Variants in ANKRD11 observed in about 807,000 individuals in gnomAD.
ANKRD11 encodes the protein ankyrin repeat domain-containing protein 11.
A neutral mutation model predicts 195.7 loss-of-function variants in ANKRD11; 17 were observed. That is an observed-to-expected ratio of 0.09 (90% CI 0.06 to 0.13). The LOEUF is 0.13. Ranked by LOEUF, ANKRD11 falls within the 10% of genes least tolerant of loss-of-function variation. ANKRD11 has a pLI of 1.00. For synonymous variants in ANKRD11, 1,953 were observed against 1,528.1 expected (o/e 1.28, Z -6.49); for missense variants, 3,735 against 3,566.1 (o/e 1.05, Z -1.21).
intron 2 of ANKRD11, among the ~76,000 whole-genome samples, chr16:89,352,018 C>T (rs923197381): frequency 6.6e-6 from 1 of 152,140 alleles, no homozygotes; most frequent in African/African-American, 2.4e-5. Flanking sequence ...TCAAGCAATT[C>T]TCACGCCTCC....
chr16:89,310,422 G>A (rs962015199), intron 3 of ANKRD11, among the ~76,000 whole-genome samples: 4 of 152,094 alleles, frequency 2.6e-5, no homozygotes, highest in African/African-American at 9.7e-5. Context: ...GGTTATTCTA[G>A]GTCTTTTCAA....
chr16:89,319,773 C>T (rs775672123), intron 2 of ANKRD11, among the ~76,000 whole-genome samples: 1 of 152,252 alleles, frequency 6.6e-6, no homozygotes, highest in Non-Finnish European at 1.5e-5. Context: ...CGCCTGCAGG[C>T]ACCAGGCGTG....
chr16:89,341,874 G>A (rs1442631658), intron 2 of ANKRD11, among the ~76,000 whole-genome samples: 3 of 142,700 alleles, frequency 2.1e-5, no homozygotes, highest in Non-Finnish European at 4.6e-5. Context: ...AGCGGCCACG[G>A]CCCACGGCAG....
intron 2 of ANKRD11, among the ~76,000 whole-genome samples, chr16:89,406,126 A>AC (rs1438570087): frequency 1.1e-4 from 17 of 151,828 alleles, no homozygotes; most frequent in African/African-American, 3.9e-4. Context: ...AAAAAAAAAA[A>AC]AAACCTTCAG....
In ANKRD11 at chr16:89,286,195, C is replaced by T; in HGVS notation, c.745-9G>A. On this transcript the variant is annotated splice_polypyrimidine_tract_variant and intron_variant, in intron 7 of 12. Transcript: ENST00000301030. ...AGCAGCAGCTTCACCACCTACAAGA[C>T]AGTAACACCCGCGTCAGGGACTGCT... 6.2e-7 allele frequency: 1 copy of T among 1,612,772 alleles called. No individual in the cohort carries two copies. The highest frequency in any genetic ancestry group is 8.5e-7 in the Non-Finnish European group (1 of 1,180,022).
At position 89,394,315 on chromosome 16, in the gene ANKRD11, C is replaced by G. The variant is rs538776601; in HGVS notation, c.-60+23969G>C. On this transcript the variant is annotated intron_variant, in intron 2 of 12. Coordinates refer to ENST00000301030, the MANE Select transcript of ANKRD11 (RefSeq NM_013275.6). ...CACCTGCCACACTGCTCTCACTCAT[C>G]AGGAAACTTCTCATCAGAAAAACAG... Among the ~76,000 whole-genome samples the G allele has an allele frequency of 2.0e-5, 3 of 152,320 alleles. No individual in the cohort carries two copies. The East Asian group carries it at 5.8e-4, about 29-fold the overall frequency.
At chr16:89,446,485 T>A (rs2043798431) in intron 1 of ANKRD11, among the ~76,000 whole-genome samples, 1 of 152,046 alleles carries the variant, frequency 6.6e-6, no homozygotes, top group Admixed American at 6.6e-5. Context: ...GCATCTGTAC[T>A]CCCAGCTGAC....
At chr16:89,455,805 G>A (rs916601124) in intron 1 of ANKRD11, among the ~76,000 whole-genome samples, 3 of 152,162 alleles carry the variant, frequency 2.0e-5, no homozygotes, top group Admixed American at 6.5e-5. Context: ...TGCAGCTGTT[G>A]TTGAAATACT....
At chr16:89,296,800 G>C (rs1253825244) in intron 4 of ANKRD11, among the ~76,000 whole-genome samples, 1 of 152,228 alleles carries the variant, frequency 6.6e-6, no homozygotes, top group Non-Finnish European at 1.5e-5. Context: ...TTTTGCTGTG[G>C]TGGGGGCCCC....
chr16:89,270,666 G>C (rs950829029), intron 12 of ANKRD11, 151 bp downstream of exon 12: 1 of 785,128 alleles, frequency 1.3e-6, no homozygotes, highest in Non-Finnish European at 2.2e-6. Flanking sequence ...GAAAGCATCG[G>C]CCAGATTAAG....
chr16:89,474,570 T>C (rs940835746), intron 1 of ANKRD11, among the ~76,000 whole-genome samples: 1 of 152,164 alleles, frequency 6.6e-6, no homozygotes, highest in Non-Finnish European at 1.5e-5. Flanking sequence ...TAATGACTGG[T>C]TGCCAGAAAG....
chr16:89,390,296 G>A (rs1371670608), intron 2 of ANKRD11, among the ~76,000 whole-genome samples: 1 of 148,398 alleles, frequency 6.7e-6, no homozygotes. Context: ...AGATCACTGG[G>A]GCGAACACCG....
Position 89,283,569 on chromosome 16 carries a change from G to A in ANKRD11, c.2973C>T (p.Gly991=), listed in dbSNP as rs565434508. 67 of 1,610,954 alleles carry A rather than the reference G, an allele frequency of 4.2e-5. No individual in the cohort carries two copies. The South Asian group carries it at 5.3e-4, about 13-fold the overall frequency. Residue 991 remains glycine, a synonymous_variant, in exon 9 of 13, where the codon GGC becomes GGT. Transcript: ENST00000301030. This position sits in a 1 kb window ranked among gnomAD's most constrained non-coding sequence, Gnocchi z 4.3. ...ACGGCTCCAGGCCCTTCCCAAAGTC[G>A]CCGTCGGACTTGTCCTTGAAGCCAC... The part of the protein sequence containing the change: ...CESGFKDKSD[G]DFGKGLEPWE...
At chr16:89,269,629 T>C (rs955243943) in intron 12 of ANKRD11, among the ~76,000 whole-genome samples, 2 of 152,088 alleles carry the variant, frequency 1.3e-5, no homozygotes, top group African/African-American at 4.8e-5. Context: ...CTAAGGTTTT[T>C]TTTTAAATTT....
intron 2 of ANKRD11, among the ~76,000 whole-genome samples, chr16:89,371,602 G>A (rs549463731): frequency 6.6e-6 from 1 of 152,172 alleles, no homozygotes; most frequent in Non-Finnish European, 1.5e-5. Context: ...CCACATTCAA[G>A]GGTGCTGTGC....
intron 2 of ANKRD11, among the ~76,000 whole-genome samples, chr16:89,390,766 C>T (rs1258674770): frequency 6.6e-6 from 1 of 152,178 alleles, no homozygotes; most frequent in African/African-American, 2.4e-5. Context: ...AAAAACAATG[C>T]TGCTGGTAAT....
chr16:89,324,561 G>A (rs1206921328), intron 2 of ANKRD11: 7 of 455,286 alleles, frequency 1.5e-5, no homozygotes, highest in Middle Eastern at 3.3e-4. Context: ...AGAGGCCGAC[G>A]AACCCTCCAT....
intron 2 of ANKRD11, among the ~76,000 whole-genome samples, chr16:89,394,156 T>C (rs1465461074): frequency 3.9e-5 from 6 of 152,248 alleles, no homozygotes; most frequent in East Asian, 3.9e-4. Context: ...GCAAGCACAA[T>C]GTCCTCCTGA....
chr16:89,371,823 C>T (rs1481015562), intron 2 of ANKRD11, among the ~76,000 whole-genome samples: 1 of 152,118 alleles, frequency 6.6e-6, no homozygotes, highest in East Asian at 1.9e-4. Context: ...CAATGTCCAT[C>T]ATGTTCCTGA....
Sources: allele counts gnomAD v4.1 joint callset (sites outside exome capture counted in the v4.1 genomes callset), GRCh38; gene constraint gnomAD v4.1.1; non-coding constraint Gnocchi (gnomAD v3.1); transcripts MANE v1.5; gene names NCBI Gene and HGNC (gene_info 2026-07-23, HGNC 2026-07-21).